The following DOK6 variants were observed in gnomAD, a reference collection of about 807,000 sequenced individuals.
DOK6 encodes the protein docking protein 6.
DOK6 carries 22 observed loss-of-function variants against 44.0 expected under a neutral mutation model. The observed-to-expected ratio is 0.50, with a 90% CI of 0.36 to 0.71. The LOEUF (loss-of-function observed/expected upper bound fraction) is 0.71. Among genes scored for constraint, DOK6 ranks in the 30% least tolerant of loss-of-function variants. The probability of loss-of-function intolerance (pLI) is 0.00; values close to 1 mark genes in which losing one functional copy is unlikely to be tolerated. For missense variants in DOK6, 340 were observed against 416.4 expected (o/e 0.82, Z 1.60); for synonymous variants, 166 against 145.5 (o/e 1.14, Z -1.01).
chr18:69,578,746 T>C (rs1411491124), intron 2 of DOK6, among the ~76,000 whole-genome samples: 1 of 152,184 alleles, frequency 6.6e-6, no homozygotes, highest in Non-Finnish European at 1.5e-5. Flanking sequence ...CCAAAGAGAA[T>C]AAATTGTTTC....
intron 1 of DOK6, among the ~76,000 whole-genome samples, chr18:69,465,412 C>T (rs1282530762): frequency 6.6e-6 from 1 of 151,686 alleles, no homozygotes; most frequent in Non-Finnish European, 1.5e-5. Context: ...CCCATTAACT[C>T]GTCATTTAGC....
chr18:69,572,186 T>C (rs1451420362), intron 2 of DOK6, among the ~76,000 whole-genome samples: 2 of 152,090 alleles, frequency 1.3e-5, no homozygotes, highest in Admixed American at 1.3e-4. Context: ...TAGATTGCAA[T>C]AAGCCTTATT....
chr18:69,804,007 C>T lies in DOK6; in HGVS notation c.857-37237C>T, dbSNP rs536175216. 8.6e-5 allele frequency among the ~76,000 whole-genome samples: 13 copies of T among 152,026 alleles called. No individual in the cohort carries two copies. The East Asian group carries it at 2.5e-3, about 29-fold the overall frequency. ...ACATGAGTTTTGGTTAAATATAAAC[C>T]AAAAACAATTCAGCCAAATGAAAAC... is the stretch of plus-strand genomic sequence containing the variant. On this transcript the variant is annotated intron_variant, in intron 7 of 7. Coordinates refer to ENST00000382713, the MANE Select transcript of DOK6 (RefSeq NM_152721.6).
At chr18:69,540,613 G>A (rs562818548) in intron 1 of DOK6, among the ~76,000 whole-genome samples, 14 of 152,090 alleles carry the variant, frequency 9.2e-5, no homozygotes, top group South Asian at 4.2e-4. Context: ...TGTATTTCTC[G>A]ACGTCTTCAC....
intron 1 of DOK6, among the ~76,000 whole-genome samples, chr18:69,486,002 T>C (rs1187362862): frequency 1.3e-5 from 2 of 151,954 alleles, no homozygotes; most frequent in African/African-American, 4.8e-5. Context: ...AAGTATTATT[T>C]ACTCATTCTC....
chr18:69,808,676 T>C lies in DOK6; in HGVS notation c.857-32568T>C, dbSNP rs372761042. ...GCTAGAACAATTATACACCAACAAA[T>C]TGGATAACCTAGAAGAAATGGAAAA... On this transcript the variant is annotated intron_variant, in intron 7 of 7. Coordinates refer to ENST00000382713, the MANE Select transcript of DOK6 (RefSeq NM_152721.6). 2.7e-4 allele frequency among the ~76,000 whole-genome samples: 41 copies of C among 151,832 alleles called. 1 individual carries two copies. In the South Asian group the frequency reaches 7.5e-3, roughly 28 times the overall value.
chr18:69,812,345 A>G (rs987374938), intron 7 of DOK6, among the ~76,000 whole-genome samples: 1 of 152,130 alleles, frequency 6.6e-6, no homozygotes, highest in Non-Finnish European at 1.5e-5. Context: ...TGTCTCCACC[A>G]TCCAACACCC....
chr18:69,524,219 A>C (rs561218559), intron 1 of DOK6, among the ~76,000 whole-genome samples: 108 of 152,136 alleles, frequency 7.1e-4, no homozygotes, highest in African/African-American at 2.3e-3. Context: ...TTTGCATAAG[A>C]ATTAAAGTTA....
chr18:69,547,226 G>C (rs1483985016), intron 1 of DOK6, among the ~76,000 whole-genome samples: 1 of 151,432 alleles, frequency 6.6e-6, no homozygotes, highest in Non-Finnish European at 1.5e-5. Context: ...TCAGCCTCCT[G>C]AGTAGCTGGG....
intron 2 of DOK6, among the ~76,000 whole-genome samples, chr18:69,575,455 A>G (rs1357438415): frequency 1.3e-5 from 2 of 152,144 alleles, no homozygotes; most frequent in South Asian, 2.1e-4. Context: ...ATTAAACTTT[A>G]TAATAAGCCC....
At chr18:69,703,973 G>A (rs7245061) in intron 5 of DOK6, among the ~76,000 whole-genome samples, 101,391 of 151,954 alleles carry the variant, frequency 0.67, 34,250 homozygotes, top group East Asian at 0.89. Context: ...TCTGCCATGC[G>A]GAGGAAAGAC....
At chr18:69,537,626 C>G (rs1730329944) in intron 1 of DOK6, among the ~76,000 whole-genome samples, 1 of 152,190 alleles carries the variant, frequency 6.6e-6, no homozygotes, top group Non-Finnish European at 1.5e-5. Flanking sequence ...CTGGATTATT[C>G]CTTTGTTTCT....
At chr18:69,616,768 CCT>C (rs1177950669) in intron 3 of DOK6, among the ~76,000 whole-genome samples, 2 of 151,974 alleles carry the variant, frequency 1.3e-5, no homozygotes, top group African/African-American at 2.4e-5. Context: ...CATATGATAC[CCT>C]GTTACACAGA....
chr18:69,730,508 A>T (rs1244900736), intron 5 of DOK6, among the ~76,000 whole-genome samples: 1 of 152,202 alleles, frequency 6.6e-6, no homozygotes, highest in African/African-American at 2.4e-5. Context: ...ATACAAACTG[A>T]TTGATACTTT....
rs111316852 is a variant in DOK6, at chr18:69,420,991, C to T, written c.66+19681C>T. 1.2e-3 allele frequency among the ~76,000 whole-genome samples: 176 copies of T among 152,240 alleles called. 1 individual carries two copies. Among genetic ancestry groups the T allele is most frequent in the African/African-American group, 3.7e-3 (154 of 41,562 alleles). The stretch of plus-strand genomic sequence containing the variant: ...CCAATCTCAAAGGTAATGTCACTAA[C>T]GATTCCTCAGATCTCTTGATCACTT... On this transcript the variant is annotated intron_variant, in intron 1 of 7. Coordinates refer to ENST00000382713, the MANE Select transcript of DOK6 (RefSeq NM_152721.6).
chr18:69,620,509 G>A (rs910044351), intron 3 of DOK6, among the ~76,000 whole-genome samples: 1 of 152,052 alleles, frequency 6.6e-6, no homozygotes, highest in Non-Finnish European at 1.5e-5. Flanking sequence ...TGAACCATTT[G>A]AGAGGACGGA....
intron 7 of DOK6, among the ~76,000 whole-genome samples, chr18:69,800,372 GTTC>G (rs1980868532): frequency 6.6e-6 from 1 of 151,890 alleles, no homozygotes; most frequent in South Asian, 2.1e-4. Flanking sequence ...TTTCTTTTTA[GTTC>G]TTCTTTTCAT....
chr18:69,668,704 C>T (rs1014089562), intron 3 of DOK6, among the ~76,000 whole-genome samples: 1 of 151,946 alleles, frequency 6.6e-6, no homozygotes, highest in Non-Finnish European at 1.5e-5. Flanking sequence ...TATAAGAGTC[C>T]TAGTTTGTTG....
At chr18:69,735,059 C>A (rs551437395) in intron 5 of DOK6, among the ~76,000 whole-genome samples, 61 of 152,300 alleles carry the variant, frequency 4.0e-4, no homozygotes, top group African/African-American at 1.3e-3. Context: ...TAGTGGAGCA[C>A]CTCCTCTGGA....
Sources: gnomAD v4.1 joint callset for allele counts (sites outside exome capture counted in the v4.1 genomes callset) on GRCh38, gnomAD v4.1.1 for gene constraint, MANE v1.5 for transcripts, NCBI Gene and HGNC (gene_info 2026-07-23, HGNC 2026-07-21) for gene names.